The following CDH20 variants were observed in gnomAD, a reference collection of about 807,000 sequenced individuals.
CDH20 encodes cadherin-20.
CDH20 carries 29 observed loss-of-function variants against 74.2 expected under a neutral mutation model. The observed-to-expected ratio is 0.39, with a 90% CI of 0.29 to 0.53. CDH20 has a LOEUF of 0.53. Ranked by LOEUF, CDH20 falls within the 20% of genes least tolerant of loss-of-function variation. CDH20 has a pLI of 0.69. For synonymous variants in CDH20, 469 were observed against 405.4 expected (o/e 1.16, Z -1.88); for missense variants, 988 against 1,048.3 (o/e 0.94, Z 0.79).
chr18:61,554,860 G>A lies in CDH20; in HGVS notation c.*165G>A. 2 of 1,405,312 alleles carry A rather than the reference G, an allele frequency of 1.4e-6. No homozygotes were observed. The highest frequency in any genetic ancestry group is 1.8e-6 in the Non-Finnish European group (2 of 1,082,112). The allele number at this position is 1,405,312 out of a possible 1,614,324, so 87.1% of individuals were successfully genotyped here. ...GATCAGCTTTACTTGGGTAGATTAA[G>A]TTAAATAAGCAAAAGGAAACCCAGA... is the stretch of plus-strand genomic sequence containing the variant. On this transcript the variant is annotated 3_prime_UTR_variant, in exon 12 of 12. Coordinates refer to ENST00000262717, the MANE Select transcript of CDH20 (RefSeq NM_031891.4).
intron 1 of CDH20, among the ~76,000 whole-genome samples, chr18:61,478,852 G>T (rs1406135537): frequency 6.6e-6 from 1 of 152,108 alleles, no homozygotes; most frequent in African/African-American, 2.4e-5. Flanking sequence ...AATTTCTAAT[G>T]TCTAGAAGAG....
At position 61,500,371 on chromosome 18, in the gene CDH20, T is replaced by C. The variant is rs941053881; in HGVS notation, c.542-12T>C. 4.3e-6 allele frequency: 7 copies of C among 1,611,058 alleles called. No homozygotes were observed. Among genetic ancestry groups the C allele is most frequent in the Non-Finnish European group, 5.9e-6 (7 of 1,178,118 alleles). On this transcript the variant is annotated splice_polypyrimidine_tract_variant and intron_variant, in intron 3 of 11. Coordinates refer to ENST00000262717, the MANE Select transcript of CDH20 (RefSeq NM_031891.4). ...TAGACTTGAACAGGTTTCTACCTCT[T>C]CTCTTCCCCAGGTACCTCCGTCATC... is the stretch of plus-strand genomic sequence containing the variant.
intron 4 of CDH20, 53 bp downstream of exon 4, chr18:61,500,555 CT>C: frequency 6.4e-7 from 1 of 1,567,508 alleles, no homozygotes; most frequent in South Asian, 1.2e-5. Context: ...TAATTTATAA[CT>C]GCTGCTATGA....
At chr18:61,468,521 C>T (rs1185368802) in intron 1 of CDH20, among the ~76,000 whole-genome samples, 1 of 152,186 alleles carries the variant, frequency 6.6e-6, no homozygotes, top group Admixed American at 6.5e-5. Flanking sequence ...CTCTCCTAAG[C>T]ATATTTAATG....
chr18:61,338,898 T>C (rs1001079552), intron 1 of CDH20, among the ~76,000 whole-genome samples: 2 of 152,216 alleles, frequency 1.3e-5, no homozygotes, highest in African/African-American at 4.8e-5. Context: ...CTGACTAGAA[T>C]CTTGCTCATA....
chr18:61,436,057 T>C (rs1040078915), intron 1 of CDH20, among the ~76,000 whole-genome samples: 1 of 152,184 alleles, frequency 6.6e-6, no homozygotes, highest in Non-Finnish European at 1.5e-5. Flanking sequence ...ATTCTTAACG[T>C]AATGTTTTCA....
chr18:61,416,721 A>T (rs2079511764), intron 1 of CDH20, among the ~76,000 whole-genome samples: 1 of 152,166 alleles, frequency 6.6e-6, no homozygotes, highest in Non-Finnish European at 1.5e-5. Context: ...ACATGACCAC[A>T]CCTAGGTGCA....
At chr18:61,444,016 T>C (rs1361958406) in intron 1 of CDH20, among the ~76,000 whole-genome samples, 1 of 152,130 alleles carries the variant, frequency 6.6e-6, no homozygotes, top group Non-Finnish European at 1.5e-5. Flanking sequence ...CCGTTACTCT[T>C]TCCCCTGAAT....
At chr18:61,429,096 G>C (rs748985342) in intron 1 of CDH20, among the ~76,000 whole-genome samples, 1 of 152,088 alleles carries the variant, frequency 6.6e-6, no homozygotes, top group African/African-American at 2.4e-5. Context: ...GGGTTTTATC[G>C]AATTTCTGAG....
chr18:61,418,096 T>C (rs1912751614), intron 1 of CDH20, among the ~76,000 whole-genome samples: 1 of 152,216 alleles, frequency 6.6e-6, no homozygotes, highest in South Asian at 2.1e-4. Flanking sequence ...AAAAGTATCA[T>C]AACCTTATAA....
intron 6 of CDH20, among the ~76,000 whole-genome samples, chr18:61,522,327 A>G (rs1045035941): frequency 1.3e-5 from 2 of 152,220 alleles, no homozygotes; most frequent in Non-Finnish European, 2.9e-5. Context: ...TGCCACAAAG[A>G]GAATAAAATA....
chr18:61,433,243 G>A (rs1190796436), intron 1 of CDH20, among the ~76,000 whole-genome samples: 1 of 152,154 alleles, frequency 6.6e-6, no homozygotes, highest in Non-Finnish European at 1.5e-5. Context: ...AATAGGTACA[G>A]AATAAATGGC....
intron 1 of CDH20, among the ~76,000 whole-genome samples, chr18:61,377,820 A>G (rs950600492): frequency 1.3e-5 from 2 of 152,104 alleles, no homozygotes; most frequent in Non-Finnish European, 2.9e-5. Flanking sequence ...GATCTATGTT[A>G]CGGTTCACTC....
intron 10 of CDH20, among the ~76,000 whole-genome samples, chr18:61,546,688 A>G (rs969556262): frequency 6.6e-6 from 1 of 152,310 alleles, no homozygotes; most frequent in South Asian, 2.1e-4. Context: ...AAATGCTGCA[A>G]ATTTCTTAAA....
At chr18:61,487,127 GT>G (rs1369784167) in intron 1 of CDH20, among the ~76,000 whole-genome samples, 1 of 152,202 alleles carries the variant, frequency 6.6e-6, no homozygotes, top group Non-Finnish European at 1.5e-5. Flanking sequence ...TAACACAGAA[GT>G]CAATTTCCAC....
At chr18:61,387,823 A>T (rs1250603733) in intron 1 of CDH20, among the ~76,000 whole-genome samples, 1 of 152,192 alleles carries the variant, frequency 6.6e-6, no homozygotes, top group Non-Finnish European at 1.5e-5. Flanking sequence ...ACGGTGGAGG[A>T]AACATTAGAT....
At chr18:61,413,044 G>A (rs1447278133) in intron 1 of CDH20, among the ~76,000 whole-genome samples, 1 of 152,198 alleles carries the variant, frequency 6.6e-6, no homozygotes, top group Non-Finnish European at 1.5e-5. Context: ...AGACGGAGAC[G>A]AATCCCTGAA....
intron 1 of CDH20, among the ~76,000 whole-genome samples, chr18:61,350,076 C>T (rs1305413111): frequency 4.6e-5 from 7 of 152,094 alleles, no homozygotes; most frequent in Non-Finnish European, 7.4e-5. Context: ...ATTCCAGGAA[C>T]TCCATGCCGT....
chr18:61,351,419 T>G (rs939965443), intron 1 of CDH20, among the ~76,000 whole-genome samples: 3 of 152,200 alleles, frequency 2.0e-5, no homozygotes, highest in Non-Finnish European at 4.4e-5. Context: ...CCAGACAAGT[T>G]ACTTAATCTC....
Sources: gnomAD v4.1 joint callset for allele counts (sites outside exome capture counted in the v4.1 genomes callset) on GRCh38, gnomAD v4.1.1 for gene constraint, MANE v1.5 for transcripts, NCBI Gene and HGNC (gene_info 2026-07-23, HGNC 2026-07-21) for gene names.